Variants in ZNF66 observed in about 807,000 individuals in gnomAD.
ZNF66 encodes zinc finger protein 66.
In ZNF66, 32 loss-of-function variants were observed where a neutral mutation model predicts 35.2. The ratio of observed to expected loss-of-function variants is 0.91; its 90% confidence interval spans 0.69 to 1.22. ZNF66 has a LOEUF of 1.22. Ranked by LOEUF, ZNF66 falls within the 50% of genes most tolerant of loss-of-function variation. ZNF66 has a pLI of 0.00. For missense variants in ZNF66, 666 were observed against 543.1 expected (o/e 1.23, Z -2.25); for synonymous variants, 231 against 181.3 (o/e 1.27, Z -2.20).
rs995587515 is a variant in ZNF66 at position 20,807,852 on chromosome 19, A to C, written c.*530A>C. Among the ~76,000 whole-genome samples the C allele has an allele frequency of 6.6e-6, 1 of 152,176 alleles. No individual in the cohort carries two copies. Among genetic ancestry groups the C allele is most frequent in the Non-Finnish European group, 1.5e-5 (1 of 68,034 alleles). On this transcript the variant is annotated 3_prime_UTR_variant, in exon 4 of 4. Transcript: ENST00000344519. ...GGTTCATCTCACTAGGGAGTGCCAG[A>C]CAGTGGCTGCAGGACAGTGGGTGCA...
chr19:20,805,349 T>C (rs1599555906), intron 3 of ZNF66, among the ~76,000 whole-genome samples: 1 of 152,210 alleles, frequency 6.6e-6, no homozygotes, highest in East Asian at 1.9e-4. Flanking sequence ...TCCTGCACCA[T>C]GCCTGTCTAG....
At chr19:20,791,537 A>G (rs1971337860) in intron 1 of ZNF66, among the ~76,000 whole-genome samples, 3 of 147,390 alleles carry the variant, frequency 2.0e-5, no homozygotes, top group Admixed American at 6.7e-5. Flanking sequence ...GATGGCATTT[A>G]TTACCCAGAA....
intron 1 of ZNF66, among the ~76,000 whole-genome samples, chr19:20,786,584 A>G (rs2144896258): frequency 6.6e-6 from 1 of 152,314 alleles, no homozygotes; most frequent in East Asian, 1.9e-4. Context: ...GATTTGAGAA[A>G]TAAAAAACTT....
chr19:20,776,687 G>A, intron 1 of ZNF66, among the ~76,000 whole-genome samples: 1 of 152,212 alleles, frequency 6.6e-6, no homozygotes. Context: ...CTCTGCACCC[G>A]CAGTGCCGTG....
intron 1 of ZNF66, chr19:20,784,510 C>T (rs995913800): frequency 6.6e-6 from 1 of 152,080 alleles, no homozygotes; most frequent in Non-Finnish European, 1.5e-5. Context: ...TGTGGCCACC[C>T]CAACACCATA....
Position 20,806,830 on chromosome 19 carries a change from T to C in ZNF66, c.1230T>C (p.Ser410=). The change falls in exon 4 of 4, where the codon TCT becomes TCC. Residue 410 remains serine (S), a synonymous_variant. Transcript: ENST00000344519. The stretch of plus-strand genomic sequence containing the variant: ...GTGGCAAAGTGTTTAAGCACTCCTC[T>C]CCCCTTTCTAAACATAAGAGAATTC... ...EECGKVFKHS[S]PLSKHKRIHT... is the part of the protein sequence containing the mutation. The C allele has an allele frequency of 7.7e-7, 1 of 1,305,568 alleles. No individual in the cohort carries two copies. Among genetic ancestry groups the C allele is most frequent in the Non-Finnish European group, 1.1e-6 (1 of 903,416 alleles). The allele number at this position is 1,305,568 out of a possible 1,614,324, so 80.9% of individuals were successfully genotyped here.
At chr19:20,782,505 TTC>T (rs1971254053) in intron 1 of ZNF66, among the ~76,000 whole-genome samples, 1 of 152,228 alleles carries the variant, frequency 6.6e-6, no homozygotes, top group African/African-American at 2.4e-5. Flanking sequence ...AGTATAAGCA[TTC>T]TGTTTTCTCT....
In ZNF66 at chr19:20,808,883, C is replaced by T. The variant is rs919519011; in HGVS notation, c.*1561C>T. Reference sequence around the variant, plus strand: ...TGAGTTGAGAGAAGAAGGCTTCAGACGATCAAACTACTCCGAGCTACAGGA... The same window carrying T: ...TGAGTTGAGAGAAGAAGGCTTCAGATGATCAAACTACTCCGAGCTACAGGA... On this transcript the variant is annotated 3_prime_UTR_variant, in exon 4 of 4. Coordinates refer to ENST00000344519, the MANE Select transcript of ZNF66 (RefSeq NM_001355197.2). Among the ~76,000 whole-genome samples, 10 of 151,926 alleles carry T rather than the reference C, an allele frequency of 6.6e-5. No homozygotes were observed. Among genetic ancestry groups the T allele is most frequent in the Admixed American group, 1.3e-4 (2 of 15,228 alleles).
chr19:20,795,843 ACT>A (rs1413469054), intron 3 of ZNF66, among the ~76,000 whole-genome samples: 3 of 151,872 alleles, frequency 2.0e-5, no homozygotes, highest in African/African-American at 7.3e-5. Context: ...CCTCTGCCAG[ACT>A]CTGACTGGGA....
At chr19:20,788,816 T>G (rs12974289) in intron 1 of ZNF66, among the ~76,000 whole-genome samples, 122,525 of 151,986 alleles carry the variant, frequency 0.81, 49,522 homozygotes, top group Non-Finnish European at 0.83. Flanking sequence ...ACTTTGGGGG[T>G]CTAAGGCAGG....
At position 20,806,119 on chromosome 19, in the gene ZNF66, C is replaced by T. The variant is rs1971502953; in HGVS notation, c.519C>T (p.Cys173=). The T allele has an allele frequency of 9.6e-7, 1 of 1,041,512 alleles. No homozygotes were observed. Among genetic ancestry groups the T allele is most frequent in the Non-Finnish European group, 1.5e-6 (1 of 667,364 alleles). 64.5% of individuals were successfully genotyped at this position (1,041,512 alleles called of 1,614,324 possible). A position where few individuals can be genotyped will look rare whatever the true frequency, so the allele number is the denominator to read the frequency against. The change falls in exon 4 of 4, where the codon TGC becomes TGT. Residue 173 remains cysteine, a synonymous_variant. Coordinates refer to ENST00000344519, the MANE Select transcript of ZNF66 (RefSeq NM_001355197.2). ...TAAGACATACTGGAAAAAACCCTTG[C>T]AAATTTACAGAATGTGGCAAAGCTT... The part of the protein sequence containing the change: ...HKIRHTGKNP[C]KFTECGKAFN...
chr19:20,805,105 A>T (rs452928), intron 3 of ZNF66, among the ~76,000 whole-genome samples: 1 of 150,922 alleles, frequency 6.6e-6, no homozygotes, highest in East Asian at 1.9e-4. Flanking sequence ...GGCAATTTAC[A>T]TTTGTGTGTG....
chr19:20,799,240 T>G (rs1472848523), intron 3 of ZNF66: 2 of 152,016 alleles, frequency 1.3e-5, no homozygotes, highest in African/African-American at 4.8e-5. Flanking sequence ...TTTTGTGTTT[T>G]TAGTAGAAAT....
intron 3 of ZNF66, among the ~76,000 whole-genome samples, chr19:20,804,243 T>G (rs1347093539): frequency 6.6e-6 from 1 of 151,814 alleles, no homozygotes; most frequent in African/African-American, 2.4e-5. Context: ...TTTATTTTAT[T>G]TATTTATTTT....
At chr19:20,801,364 A>G (rs1045083637) in intron 3 of ZNF66, among the ~76,000 whole-genome samples, 2 of 151,666 alleles carry the variant, frequency 1.3e-5, no homozygotes, top group Non-Finnish European at 2.9e-5. Context: ...ATTTTTTGAG[A>G]TGGAGTTTCA....
chr19:20,802,821 A>G (rs1374351275), intron 3 of ZNF66, among the ~76,000 whole-genome samples: 1 of 152,144 alleles, frequency 6.6e-6, no homozygotes, highest in African/African-American at 2.4e-5. Context: ...GTGTGTATTC[A>G]ATTTTGTATT....
At chr19:20,804,666 T>C (rs965797145) in intron 3 of ZNF66, among the ~76,000 whole-genome samples, 1 of 152,184 alleles carries the variant, frequency 6.6e-6, no homozygotes, top group African/African-American at 2.4e-5. Flanking sequence ...TAATCTTTGA[T>C]TGAGCTTTGG....
At chr19:20,805,151 G>A (rs1971489646) in intron 3 of ZNF66, among the ~76,000 whole-genome samples, 1 of 151,382 alleles carries the variant, frequency 6.6e-6, no homozygotes, top group Non-Finnish European at 1.5e-5. Flanking sequence ...GAGAGAGAGA[G>A]TCTCGCCCTG....
rs1469800788 is a variant in ZNF66, at chr19:20,807,165, C to T, written c.1565C>T (p.Ser522Phe). ...EECGKDFKYS[S>F]TLTRHKKIHT... ...TGTGGCAAAGACTTTAAGTACTCCT[C>T]TACCCTTACTAGACATAAGAAAATT... Residue 522 changes from serine to phenylalanine, a missense_variant, in exon 4 of 4, where the codon TCT becomes TTT. Physicochemically the swap from Ser to Phe is radical, Grantham distance 155 (BLOSUM62 -2). Transcript: ENST00000344519. The T allele has an allele frequency of 3.9e-6, 3 of 773,396 alleles. No homozygotes were observed. Among genetic ancestry groups the T allele is most frequent in the Non-Finnish European group, 4.5e-6 (2 of 440,200 alleles). 47.9% of individuals were successfully genotyped at this position (773,396 alleles called of 1,614,324 possible).
Sources: gnomAD v4.1 joint callset for allele counts (sites outside exome capture counted in the v4.1 genomes callset) on GRCh38, gnomAD v4.1.1 for gene constraint, MANE v1.5 for transcripts, NCBI Gene and HGNC (gene_info 2026-07-23, HGNC 2026-07-21) for gene names.